Variants in SCFD2 observed in about 807,000 individuals in gnomAD.
The protein encoded by SCFD2 is sec1 family domain-containing protein 2.
In SCFD2, 54 loss-of-function variants were observed where a neutral mutation model predicts 58.9. That is an observed-to-expected ratio of 0.92 (90% CI 0.74 to 1.15). The LOEUF (loss-of-function observed/expected upper bound fraction) is 1.15, where lower values mean the gene tolerates loss of function less well. Among genes scored for constraint, SCFD2 ranks in the 50% most tolerant of loss-of-function variants. SCFD2 has a pLI of 0.00. For missense variants in SCFD2, 805 were observed against 836.6 expected, an observed-to-expected ratio of 0.96 and a Z score of 0.47; for synonymous variants, 321 against 335.9, an observed-to-expected ratio of 0.96 and a Z score of 0.49.
intron 5 of SCFD2, among the ~76,000 whole-genome samples, chr4:52,936,988 A>C (rs1165440659): frequency 1.3e-5 from 2 of 151,994 alleles, no homozygotes; most frequent in Non-Finnish European, 2.9e-5. Flanking sequence ...GTGCTCATGG[A>C]GTCTACACTT....
At chr4:53,266,885 C>T (rs1731000948) in intron 4 of SCFD2, among the ~76,000 whole-genome samples, 1 of 152,074 alleles carries the variant, frequency 6.6e-6, no homozygotes, top group Non-Finnish European at 1.5e-5. Flanking sequence ...TAGATTTTCC[C>T]CAAGAATACT....
In SCFD2 at chr4:53,191,227, G is replaced by A. The variant is rs545562385; in HGVS notation, c.1312-45645C>T. Among the ~76,000 whole-genome samples the A allele has an allele frequency of 5.2e-4, 79 of 152,096 alleles. 1 individual carries two copies. The highest frequency in any genetic ancestry group is 1.8e-3 in the African/African-American group (73 of 41,502). On this transcript the variant is annotated intron_variant, in intron 4 of 8. Transcript: ENST00000401642. ...TAGCTGGGCCTGGTGGCAGGTGGCT[G>A]TAATCCCAGCTACTTGGGAGGCAGC...
chr4:52,967,647 C>T (rs2109547529), intron 5 of SCFD2, among the ~76,000 whole-genome samples: 1 of 152,310 alleles, frequency 6.6e-6, no homozygotes, highest in East Asian at 1.9e-4. Flanking sequence ...CTCTGTACTC[C>T]TGATAAGACC....
At chr4:52,984,171 A>T (rs1055018106) in intron 5 of SCFD2, among the ~76,000 whole-genome samples, 19 of 152,218 alleles carry the variant, frequency 1.2e-4, no homozygotes, top group African/African-American at 4.3e-4. Context: ...AGGGTGGTAA[A>T]TATAACCCCA....
chr4:52,896,622 T>C (rs1312883035), intron 7 of SCFD2, among the ~76,000 whole-genome samples: 2 of 152,232 alleles, frequency 1.3e-5, no homozygotes, highest in East Asian at 1.9e-4. Flanking sequence ...TCTTTTGGCT[T>C]AGGATTGACT....
At chr4:53,059,928 C>T (rs1237880992) in intron 5 of SCFD2, among the ~76,000 whole-genome samples, 13 of 152,064 alleles carry the variant, frequency 8.5e-5, no homozygotes, top group Non-Finnish European at 1.9e-4. Flanking sequence ...TAACTAGATA[C>T]ATAAAGCAAG....
chr4:53,143,795 TACACAC>T (rs113492027), intron 5 of SCFD2, among the ~76,000 whole-genome samples: 15 of 146,658 alleles, frequency 1.0e-4, no homozygotes, highest in South Asian at 2.2e-4. Context: ...CACCTAAACA[TACACAC>T]ACACACACAC....
intron 4 of SCFD2, 136 bp downstream of exon 4, chr4:53,273,690 G>A (rs955469565): frequency 1.5e-5 from 11 of 742,016 alleles, no homozygotes; most frequent in African/African-American, 1.1e-4. Flanking sequence ...TTAACTAGGG[G>A]GCACTTAGAG....
intron 1 of SCFD2, among the ~76,000 whole-genome samples, chr4:53,360,435 T>C (rs1239435786): frequency 1.3e-5 from 2 of 152,236 alleles, no homozygotes; most frequent in Non-Finnish European, 2.9e-5. Flanking sequence ...ATGTAGATCA[T>C]GGACACTTCT....
At chr4:53,221,809 T>C (rs936245907) in intron 4 of SCFD2, among the ~76,000 whole-genome samples, 6 of 152,144 alleles carry the variant, frequency 3.9e-5, no homozygotes, top group Admixed American at 2.6e-4. Flanking sequence ...AAATGAGAAA[T>C]AGGGAGATCC....
intron 4 of SCFD2, among the ~76,000 whole-genome samples, chr4:53,247,882 A>AT (rs1424793291): frequency 4.0e-5 from 6 of 151,232 alleles, no homozygotes; most frequent in Admixed American, 1.3e-4. Flanking sequence ...AAAAAAAAAA[A>AT]AAAAAAAAAA....
At chr4:52,918,775 C>T (rs1424316269) in intron 6 of SCFD2, among the ~76,000 whole-genome samples, 1 of 152,132 alleles carries the variant, frequency 6.6e-6, no homozygotes, top group African/African-American at 2.4e-5. Context: ...GATCATGGAC[C>T]TCTGTTTCAG....
chr4:53,272,414 C>T (rs946572944), intron 4 of SCFD2, among the ~76,000 whole-genome samples: 1 of 152,118 alleles, frequency 6.6e-6, no homozygotes, highest in African/African-American at 2.4e-5. Flanking sequence ...ATGTTTATTG[C>T]AGCACTATTC....
At chr4:53,263,122 C>T (rs1347304670) in intron 4 of SCFD2, among the ~76,000 whole-genome samples, 1 of 151,764 alleles carries the variant, frequency 6.6e-6, no homozygotes, top group African/African-American at 2.4e-5. Context: ...CTTATTTATG[C>T]TGTCTATTTC....
At chr4:53,299,159 GA>G (rs1186316751) in intron 3 of SCFD2, among the ~76,000 whole-genome samples, 2 of 152,152 alleles carry the variant, frequency 1.3e-5, no homozygotes, top group African/African-American at 4.8e-5. Context: ...GCTAAAGGAC[GA>G]AGTTCGAACC....
intron 5 of SCFD2, 48 bp from the exon 6 acceptor site, chr4:52,920,918 T>G: frequency 7.4e-7 from 1 of 1,343,600 alleles, no homozygotes. Context: ...TCTTTAAGTT[T>G]TCATCATGAC....
At chr4:53,222,369 T>C (rs1423465868) in intron 4 of SCFD2, among the ~76,000 whole-genome samples, 2 of 152,244 alleles carry the variant, frequency 1.3e-5, no homozygotes, top group African/African-American at 2.4e-5. Flanking sequence ...CTTGAAGCTT[T>C]GATAGAAGTA....
At chr4:53,310,980 G>C (rs1420396250) in intron 3 of SCFD2, among the ~76,000 whole-genome samples, 1 of 152,154 alleles carries the variant, frequency 6.6e-6, no homozygotes, top group Non-Finnish European at 1.5e-5. Context: ...TGGGAGAATT[G>C]TGCATAGTTT....
intron 6 of SCFD2, 73 bp downstream of exon 6, chr4:52,920,652 C>T (rs1719711484): frequency 8.8e-7 from 1 of 1,130,650 alleles, no homozygotes; most frequent in Middle Eastern, 2.2e-4. Context: ...TAAAAGGGAA[C>T]CTTTTCTTCT....
Sources: gnomAD v4.1 joint callset for allele counts (sites outside exome capture counted in the v4.1 genomes callset) on GRCh38, gnomAD v4.1.1 for gene constraint, MANE v1.5 for transcripts, NCBI Gene and HGNC (gene_info 2026-07-23, HGNC 2026-07-21) for gene names.